Variants in BICC1 observed in about 807,000 individuals in gnomAD.
The protein encoded by BICC1 is BicC family RNA binding protein 1, also known as protein bicaudal C homolog 1.
A neutral mutation model predicts 111.0 loss-of-function variants in BICC1; 43 were observed. The observed-to-expected ratio is 0.39, with a 90% confidence interval of 0.30 to 0.50. The LOEUF is 0.50. Ranked by LOEUF, BICC1 falls within the 20% of genes least tolerant of loss-of-function variation. The pLI, the probability that BICC1 is intolerant of heterozygous loss-of-function variation, is 0.88. For synonymous variants in BICC1, 467 were observed against 434.4 expected (o/e 1.07, Z -0.93); for missense variants, 1,091 against 1,203.2 (o/e 0.91, Z 1.38).
In BICC1 at chr10:58,648,448, A is replaced by G. The variant is rs971410512; in HGVS notation, c.237+27547A>G. 6.5e-6 allele frequency: 6 copies of G among 925,162 alleles called. No homozygotes were observed. In the African/African-American group the frequency reaches 9.0e-5, roughly 14 times the overall value. 57.3% of individuals were successfully genotyped at this position (925,162 alleles called of 1,614,324 possible). Reference sequence around the variant, plus strand: ...ATCTAAGCCAAAAAAGGCATTTATTATACACAGAGTTATGTTCTCTGGCAT... The same window carrying G: ...ATCTAAGCCAAAAAAGGCATTTATTGTACACAGAGTTATGTTCTCTGGCAT... On this transcript the variant is annotated intron_variant, in intron 2 of 20. Transcript: ENST00000373886.
intron 1 of BICC1, among the ~76,000 whole-genome samples, chr10:58,534,351 G>A (rs777054592): frequency 9.9e-5 from 15 of 151,578 alleles, no homozygotes; most frequent in East Asian, 3.9e-4. Context: ...AGCAGTGGGC[G>A]GCAGCCTATA....
chr10:58,586,986 TG>T (rs1844452715), intron 1 of BICC1, among the ~76,000 whole-genome samples: 1 of 152,296 alleles, frequency 6.6e-6, no homozygotes, highest in Admixed American at 6.5e-5. Context: ...CTGACAGCTA[TG>T]GGTTTTGTGT....
At chr10:58,818,875 G>C (rs1844175192) in intron 19 of BICC1, among the ~76,000 whole-genome samples, 1 of 152,078 alleles carries the variant, frequency 6.6e-6, no homozygotes, top group Non-Finnish European at 1.5e-5. Context: ...AAAAGCAAGA[G>C]ATTGAATGTT....
chr10:58,745,465 A>G (rs1841802479), intron 3 of BICC1, among the ~76,000 whole-genome samples: 1 of 152,094 alleles, frequency 6.6e-6, no homozygotes, highest in African/African-American at 2.4e-5. Flanking sequence ...ACACAAATTT[A>G]TTATCCTATA....
At chr10:58,759,811 T>C (rs1842255068) in intron 3 of BICC1, among the ~76,000 whole-genome samples, 1 of 151,690 alleles carries the variant, frequency 6.6e-6, no homozygotes, top group Admixed American at 6.6e-5. Context: ...CACAAAAAAT[T>C]AGCCGGGCTT....
chr10:58,569,789 C>T (rs1386882523), intron 1 of BICC1, among the ~76,000 whole-genome samples: 4 of 152,134 alleles, frequency 2.6e-5, no homozygotes, highest in Non-Finnish European at 5.9e-5. Flanking sequence ...TCCAGTCTGT[C>T]ATTGGTGGAC....
intron 18 of BICC1, among the ~76,000 whole-genome samples, chr10:58,815,883 C>A (rs987733365): frequency 6.6e-5 from 10 of 152,002 alleles, no homozygotes; most frequent in Non-Finnish European, 1.5e-4. Flanking sequence ...TTAGGTTGTA[C>A]AAAGGCTTTA....
intron 3 of BICC1, among the ~76,000 whole-genome samples, chr10:58,726,703 G>A (rs1000723560): frequency 6.6e-6 from 1 of 152,170 alleles, no homozygotes; most frequent in African/African-American, 2.4e-5. Context: ...AAAGAAATCA[G>A]CTGGTTGTGT....
intron 3 of BICC1, among the ~76,000 whole-genome samples, chr10:58,764,986 C>T (rs1441211162): frequency 6.6e-6 from 1 of 152,124 alleles, no homozygotes; most frequent in Non-Finnish European, 1.5e-5. Flanking sequence ...TTTTGGGTTA[C>T]ATAACCAAAT....
intron 1 of BICC1, among the ~76,000 whole-genome samples, chr10:58,555,602 C>T (rs1843429442): frequency 6.6e-6 from 1 of 152,028 alleles, no homozygotes; most frequent in African/African-American, 2.4e-5. Flanking sequence ...ATTAGCAGTT[C>T]TTTGCAAAGG....
intron 1 of BICC1, among the ~76,000 whole-genome samples, chr10:58,606,859 A>T (rs921247769): frequency 3.9e-5 from 6 of 152,108 alleles, no homozygotes; most frequent in Non-Finnish European, 7.4e-5. Flanking sequence ...TACATTTTAT[A>T]GTCTGTTTTC....
chr10:58,594,347 C>G (rs896451737), intron 1 of BICC1, among the ~76,000 whole-genome samples: 2 of 151,954 alleles, frequency 1.3e-5, no homozygotes, highest in African/African-American at 4.8e-5. Flanking sequence ...TAAGACAGGT[C>G]GACATTCAAA....
intron 1 of BICC1, among the ~76,000 whole-genome samples, chr10:58,571,581 CAT>C (rs1311112574): frequency 6.9e-6 from 1 of 145,112 alleles, no homozygotes; most frequent in African/African-American, 2.5e-5. Context: ...TAAGTGAGAA[CAT>C]GTGGTAGTTG....
chr10:58,794,267 C>T (rs780631910), intron 9 of BICC1, among the ~76,000 whole-genome samples: 4 of 151,376 alleles, frequency 2.6e-5, no homozygotes, highest in South Asian at 2.1e-4. Context: ...CCATCTCCTG[C>T]GCAAGCTGGA....
chr10:58,799,210 C>A lies in BICC1; in HGVS notation c.1683C>A (p.Thr561=), dbSNP rs759360594. 6.2e-7 allele frequency: 1 copy of A among 1,612,304 alleles called. No individual in the cohort carries two copies. Among genetic ancestry groups the A allele is most frequent in the South Asian group, 1.1e-5 (1 of 90,842 alleles). ...PVDVHINSMQ[T]EGKKISAALN... ...ATGTCCATATCAACAGTATGCAGAC[C>A]GAAGGCAAAAAAATCTCTGCTGCTT... Residue 561 remains threonine, a synonymous_variant, in exon 12 of 21, where the codon ACC becomes ACA. Transcript: ENST00000373886.
intron 2 of BICC1, among the ~76,000 whole-genome samples, chr10:58,694,979 A>T (rs576736304): frequency 6.6e-6 from 1 of 152,314 alleles, no homozygotes; most frequent in South Asian, 2.1e-4. Flanking sequence ...CCTGGATTCT[A>T]GCTGGACTTT....
chr10:58,640,210 C>A (rs1838082066), intron 2 of BICC1, among the ~76,000 whole-genome samples: 1 of 152,056 alleles, frequency 6.6e-6, no homozygotes, highest in Non-Finnish European at 1.5e-5. Context: ...TAGTTTTGTT[C>A]TGGATTTACA....
intron 1 of BICC1, among the ~76,000 whole-genome samples, chr10:58,601,173 TC>T (rs1845026744): frequency 7.6e-6 from 1 of 131,088 alleles, no homozygotes; most frequent in African/African-American, 2.8e-5. Flanking sequence ...TATATATATC[TC>T]CCAATAAAAT....
intron 1 of BICC1, among the ~76,000 whole-genome samples, chr10:58,618,613 C>G (rs1018769856): frequency 2.6e-5 from 4 of 152,204 alleles, no homozygotes; most frequent in Admixed American, 6.5e-5. Context: ...CCACCCCCTC[C>G]CCTTGGTCTC....
Sources: allele counts gnomAD v4.1 joint callset (sites outside exome capture counted in the v4.1 genomes callset), GRCh38; gene constraint gnomAD v4.1.1; transcripts MANE v1.5; gene names NCBI Gene and HGNC (gene_info 2026-07-23, HGNC 2026-07-21).